The following SMYD3 variants were observed in gnomAD, a reference collection of about 807,000 sequenced individuals.
SMYD3 encodes the protein histone-lysine N-methyltransferase SMYD3.
A neutral mutation model predicts 57.7 loss-of-function variants in SMYD3; 36 were observed. The ratio of observed to expected loss-of-function variants is 0.62; its 90% CI spans 0.48 to 0.82. SMYD3 has a LOEUF of 0.82. Among genes scored for constraint, SMYD3 ranks in the 40% least tolerant of loss-of-function variants. The pLI is 0.00. For missense variants in SMYD3, 515 were observed against 538.8 expected (o/e 0.96, Z 0.44); for synonymous variants, 211 against 195.0 (o/e 1.08, Z -0.68).
At chr1:246,137,263 C>T (rs1337972549) in intron 5 of SMYD3, among the ~76,000 whole-genome samples, 3 of 152,146 alleles carry the variant, frequency 2.0e-5, no homozygotes, top group Non-Finnish European at 4.4e-5. Context: ...AGTGGTTACT[C>T]GCCATTTCTC....
intron 5 of SMYD3, chr1:246,186,889 A>G (rs959523465): frequency 1.0e-6 from 1 of 985,360 alleles, no homozygotes; most frequent in African/African-American, 1.7e-5. Context: ...AATGTCTCTG[A>G]AGCCCCTTAG....
intron 10 of SMYD3, among the ~76,000 whole-genome samples, chr1:245,854,038 C>T (rs770822449): frequency 6.6e-6 from 1 of 152,268 alleles, no homozygotes; most frequent in East Asian, 1.9e-4. Flanking sequence ...TTCCCAGGTA[C>T]GTCACAAAAG....
chr1:246,322,592 C>G (rs939552123), intron 5 of SMYD3, among the ~76,000 whole-genome samples: 1 of 152,146 alleles, frequency 6.6e-6, no homozygotes, highest in Admixed American at 6.5e-5. Context: ...CTGTATATCC[C>G]CGGTGCACTT....
chr1:245,953,111 A>G (rs902183905), intron 5 of SMYD3: 2 of 678,776 alleles, frequency 2.9e-6, no homozygotes, highest in African/African-American at 3.9e-5. Flanking sequence ...AGAAAGTGAT[A>G]AAAATAAACA....
intron 1 of SMYD3, among the ~76,000 whole-genome samples, chr1:246,480,610 G>A (rs1447831212): frequency 6.6e-6 from 1 of 152,026 alleles, no homozygotes; most frequent in Non-Finnish European, 1.5e-5. Context: ...CACAACGGTG[G>A]CTCTTACGTC....
At chr1:246,403,225 T>C (rs1026814944) in intron 1 of SMYD3, among the ~76,000 whole-genome samples, 6 of 152,100 alleles carry the variant, frequency 3.9e-5, no homozygotes, top group Non-Finnish European at 8.8e-5. Flanking sequence ...CCAGGTGCAG[T>C]GGTTCAGCCT....
Position 246,378,670 on chromosome 1 carries a change from T to C in SMYD3, c.165-23576A>G, listed in dbSNP as rs138131713. On this transcript the variant is annotated intron_variant, in intron 1 of 11. Coordinates refer to ENST00000490107, the MANE Select transcript of SMYD3 (RefSeq NM_001167740.2). ...ATATATATATACACACACACATATA[T>C]ATATACACATATATATACTTAATAA... Among the ~76,000 whole-genome samples, 556 of 122,936 alleles carry C rather than the reference T, an allele frequency of 4.5e-3. 4 individuals are homozygous for C. Among genetic ancestry groups the C allele is most frequent in the Non-Finnish European group, 6.9e-3 (427 of 61,542 alleles). The allele number at this position is 122,936 out of a possible 152,430, so 80.7% of individuals were successfully genotyped here. A position where few individuals can be genotyped will look rare whatever the true frequency, so the allele number is the denominator to read the frequency against.
At chr1:246,131,055 C>T (rs897388868) in intron 5 of SMYD3, among the ~76,000 whole-genome samples, 1 of 152,098 alleles carries the variant, frequency 6.6e-6, no homozygotes, top group Non-Finnish European at 1.5e-5. Flanking sequence ...CCTTGTGTGG[C>T]TTCCTCATTC....
chr1:246,417,719 G>A (rs1054280654), intron 1 of SMYD3, among the ~76,000 whole-genome samples: 2 of 152,052 alleles, frequency 1.3e-5, no homozygotes, highest in African/African-American at 4.8e-5. Flanking sequence ...ACCAAGCTAG[G>A]GAACAATGGC....
intron 5 of SMYD3, among the ~76,000 whole-genome samples, chr1:246,293,002 C>T (rs1348250009): frequency 6.6e-6 from 1 of 151,984 alleles, no homozygotes; most frequent in Non-Finnish European, 1.5e-5. Flanking sequence ...TCCAAACCAC[C>T]ATATTTGGTG....
chr1:245,902,185 C>A (rs1053393035), intron 8 of SMYD3, among the ~76,000 whole-genome samples: 1 of 152,126 alleles, frequency 6.6e-6, no homozygotes, highest in Non-Finnish European at 1.5e-5. Flanking sequence ...AGCCAGATAT[C>A]CAGTACTCTA....
intron 5 of SMYD3, among the ~76,000 whole-genome samples, chr1:246,288,672 C>T (rs1298749968): frequency 2.0e-5 from 3 of 152,044 alleles, no homozygotes; most frequent in Non-Finnish European, 2.9e-5. Context: ...GAGCATTTAT[C>T]TGAAAAAAAG....
chr1:245,821,737 G>A (rs1319309787), intron 10 of SMYD3, among the ~76,000 whole-genome samples: 2 of 151,992 alleles, frequency 1.3e-5, no homozygotes, highest in East Asian at 1.9e-4. Context: ...GTGGGCAAAG[G>A]ACATGAACAG....
intron 5 of SMYD3, among the ~76,000 whole-genome samples, chr1:246,171,762 A>G (rs1377190077): frequency 6.6e-6 from 1 of 152,222 alleles, no homozygotes; most frequent in African/African-American, 2.4e-5. Context: ...TATGATTCCA[A>G]TGCTTTGGGA....
rs61732202 is a variant in SMYD3, at chr1:246,215,102, C to G, written c.531+112099G>C. Among the ~76,000 whole-genome samples, 534 of 152,166 alleles carry G rather than the reference C, an allele frequency of 3.5e-3. 1 individual carries two copies. The highest frequency in any genetic ancestry group is 4.5e-3 in the Non-Finnish European group (307 of 68,014). ...TGGCCACACGCATGTGGAAGAGAAG[C>G]TCATGATTCTAATCTGCACAGTTGC... is the stretch of plus-strand genomic sequence containing the variant. On this transcript the variant is annotated intron_variant, in intron 5 of 11. Transcript: ENST00000490107.
intron 5 of SMYD3, among the ~76,000 whole-genome samples, chr1:246,251,417 A>G (rs114139393): frequency 0.098 from 12,110 of 123,318 alleles, 748 homozygotes; most frequent in East Asian, 0.17. Context: ...TAGGTGCCTC[A>G]GACACTGTGC....
At chr1:246,079,941 T>A (rs1474641450) in intron 5 of SMYD3, among the ~76,000 whole-genome samples, 2 of 152,044 alleles carry the variant, frequency 1.3e-5, no homozygotes, top group Admixed American at 6.5e-5. Context: ...AAAAAAGAAT[T>A]GGAGAGGTAA....
intron 8 of SMYD3, among the ~76,000 whole-genome samples, chr1:245,909,866 T>G (rs2054842185): frequency 6.6e-6 from 1 of 152,120 alleles, no homozygotes; most frequent in Non-Finnish European, 1.5e-5. Context: ...CACACTTAAT[T>G]GGGAAAAACT....
chr1:246,258,669 C>T (rs2063942566), intron 5 of SMYD3, among the ~76,000 whole-genome samples: 1 of 152,118 alleles, frequency 6.6e-6, no homozygotes, highest in South Asian at 2.1e-4. Flanking sequence ...TTAGCACCGA[C>T]CTTGAACAGT....
Sources: allele counts gnomAD v4.1 joint callset (sites outside exome capture counted in the v4.1 genomes callset), GRCh38; gene constraint gnomAD v4.1.1; transcripts MANE v1.5; gene names NCBI Gene and HGNC (gene_info 2026-07-23, HGNC 2026-07-21).